PCNX1: variants seen among roughly 807,000 people sequenced by gnomAD.
PCNX1 encodes pecanex 1, also known as pecanex-like protein 1.
A neutral mutation model predicts 242.2 loss-of-function variants in PCNX1; 78 were observed. The observed-to-expected ratio is 0.32, with a 90% CI of 0.27 to 0.39. The LOEUF is 0.39. Ranked by LOEUF, PCNX1 falls within the 10% of genes least tolerant of loss-of-function variation. PCNX1 has a pLI of 1.00. For synonymous variants in PCNX1, 1,024 were observed against 1,032.9 expected (o/e 0.99, Z 0.17); for missense variants, 2,581 against 2,856.5 (o/e 0.90, Z 2.20).
At position 71,024,528 on chromosome 14, in the gene PCNX1, C is replaced by A. The variant is rs371361940; in HGVS notation, c.3183+1296C>A. 4.0e-5 allele frequency among the ~76,000 whole-genome samples: 6 copies of A among 151,826 alleles called. No individual in the cohort carries two copies. The South Asian group carries it at 1.2e-3, about 31-fold the overall frequency. Reference sequence around the variant, plus strand: ...AAAAAATTTTTTTTTTTATTTTTCACCCTGTCTTATGGTGCTGATGATGTT... The same window carrying A: ...AAAAAATTTTTTTTTTTATTTTTCAACCTGTCTTATGGTGCTGATGATGTT... On this transcript the variant is annotated intron_variant, in intron 13 of 35. Transcript: ENST00000304743.
rs751640600 is a variant in PCNX1, at chr14:71,009,743, T to G, written c.2720+19T>G. 1.4e-6 allele frequency: 2 copies of G among 1,401,300 alleles called. No homozygotes were observed. The highest frequency in any genetic ancestry group is 2.3e-5 in the East Asian group (1 of 43,404). 86.8% of individuals were successfully genotyped at this position (1,401,300 alleles called of 1,614,324 possible). A position where few individuals can be genotyped will look rare whatever the true frequency, so the allele number is the denominator to read the frequency against. On this transcript the variant is annotated intron_variant, in intron 9 of 35. Transcript: ENST00000304743. Reference sequence around the variant, plus strand: ...ATATCTGGTATGTGTGAAGTCATATTAGGAGTGTGTGTACTTTCATATGTT... The same window carrying G: ...ATATCTGGTATGTGTGAAGTCATATGAGGAGTGTGTGTACTTTCATATGTT...
intron 1 of PCNX1, among the ~76,000 whole-genome samples, chr14:70,925,894 C>A (rs1008806440): frequency 6.6e-6 from 1 of 152,038 alleles, no homozygotes; most frequent in African/African-American, 2.4e-5. Flanking sequence ...GCCATAGCCA[C>A]CTTCCATCAC....
chr14:70,938,950 G>C (rs1291878632), intron 1 of PCNX1, among the ~76,000 whole-genome samples: 1 of 152,190 alleles, frequency 6.6e-6, no homozygotes, highest in African/African-American at 2.4e-5. Context: ...ATGGTAGTTT[G>C]TATTTCTGTG....
intron 7 of PCNX1, among the ~76,000 whole-genome samples, chr14:70,994,918 C>T (rs1472529035): frequency 6.6e-6 from 1 of 151,860 alleles, no homozygotes; most frequent in Non-Finnish European, 1.5e-5. Flanking sequence ...TTGTATCAAA[C>T]TTAGGCCTAA....
chr14:71,031,858 T>G, intron 16 of PCNX1: 2 of 1,464,850 alleles, frequency 1.4e-6, no homozygotes, highest in Middle Eastern at 1.7e-4. Context: ...GTAGACACAC[T>G]GTTTCAGCAC....
At chr14:70,956,206 A>G (rs1056879412) in intron 2 of PCNX1, among the ~76,000 whole-genome samples, 1 of 152,126 alleles carries the variant, frequency 6.6e-6, no homozygotes, top group Non-Finnish European at 1.5e-5. Flanking sequence ...TTTGACCTGG[A>G]AAGAGACTAG....
intron 2 of PCNX1, among the ~76,000 whole-genome samples, chr14:70,949,401 GTGTACATATATA>G (rs2057682550): frequency 7.5e-6 from 1 of 132,672 alleles, no homozygotes; most frequent in African/African-American, 2.8e-5. Context: ...ATGTGTGTGT[GTGTACATATATA>G]TGTACATATA....
At chr14:70,933,948 A>G (rs554659091) in intron 1 of PCNX1, among the ~76,000 whole-genome samples, 24 of 152,346 alleles carry the variant, frequency 1.6e-4, no homozygotes, top group African/African-American at 4.6e-4. Flanking sequence ...TTTGGCTACA[A>G]TGTACTTCCA....
chr14:71,105,505 G>A, intron 33 of PCNX1, 65 bp downstream of exon 33: 1 of 1,258,402 alleles, frequency 7.9e-7, no homozygotes, highest in Admixed American at 1.8e-5. Flanking sequence ...GTTAGTATAT[G>A]TGTATAAAGA....
chr14:70,956,380 CA>C (rs2057994082), intron 2 of PCNX1, among the ~76,000 whole-genome samples: 1 of 151,376 alleles, frequency 6.6e-6, no homozygotes, highest in African/African-American at 2.4e-5. Flanking sequence ...CTGTCTCTAC[CA>C]AAAAAATAAA....
intron 26 of PCNX1, among the ~76,000 whole-genome samples, chr14:71,071,583 T>C (rs575612229): frequency 1.4e-4 from 22 of 152,130 alleles, no homozygotes; most frequent in Admixed American, 2.6e-4. Flanking sequence ...TGCTCCAGCA[T>C]GTAAAATGTG....
chr14:70,923,427 C>T (rs1451586757), intron 1 of PCNX1, among the ~76,000 whole-genome samples: 1 of 151,758 alleles, frequency 6.6e-6, no homozygotes, highest in Admixed American at 6.6e-5. Context: ...TGTTTTCTTC[C>T]AATACTTTTA....
chr14:71,057,706 C>T lies in PCNX1; in HGVS notation c.4834C>T (p.Arg1612Trp). The T allele has an allele frequency of 1.9e-6, 3 of 1,612,060 alleles. No homozygotes were observed. Among genetic ancestry groups the T allele is most frequent in the Non-Finnish European group, 1.7e-6 (2 of 1,178,322 alleles). Residue 1612 changes from arginine (R) to tryptophan (W), a missense_variant, in exon 26 of 36, where the codon CGG becomes TGG. Physicochemically the swap from Arg to Trp is moderately radical, Grantham distance 101. Around this residue, in one of 9 missense-constraint regions of PCNX1, gnomAD observed 298 missense variants for 480.1 expected, o/e 0.62. Coordinates refer to ENST00000304743, the MANE Select transcript of PCNX1 (RefSeq NM_014982.3). ...IGNGLVTFQLRGLEFRGTYCQ... is the reference protein window; with the variant it reads ...IGNGLVTFQLWGLEFRGTYCQ... ...CAATGGTCTGGTCACTTTTCAGCTG[C>T]GGGGACTTGAATTCAGAGGTAAGAC...
At position 70,907,635 on chromosome 14, in the gene PCNX1, C is replaced by T; in HGVS notation, c.-216C>T. 1 of 364,412 alleles carries T rather than the reference C, an allele frequency of 2.7e-6. No homozygotes were observed. The highest frequency in any genetic ancestry group is 4.3e-6 in the Non-Finnish European group (1 of 231,146). The allele number at this position is 364,412 out of a possible 1,614,324, so 22.6% of individuals were successfully genotyped here. ...CTCTCCGCCGTCCTCCGCCCCGCCG[C>T]TCGCCGCCTCCTCCTCTCGGGTCTC... On this transcript the variant is annotated 5_prime_UTR_variant, in exon 1 of 36. Transcript: ENST00000304743.
At chr14:71,032,546 A>G (rs1471224761) in intron 16 of PCNX1, among the ~76,000 whole-genome samples, 1 of 152,236 alleles carries the variant, frequency 6.6e-6, no homozygotes, top group Admixed American at 6.5e-5. Context: ...TGATGTAGCT[A>G]TTAAAAAAAT....
At position 70,941,747 on chromosome 14, in the gene PCNX1, G is replaced by A. The variant is rs137899816; in HGVS notation, c.154-5168G>A. Among the ~76,000 whole-genome samples the A allele has an allele frequency of 4.5e-4, 68 of 152,326 alleles. 2 individuals carry two copies. The East Asian group carries it at 0.013, about 28-fold the overall frequency. ...CCCAGAGGTGGATTCTACAGAGGCA[G>A]GCAGGCCTCCTTGAGCTGCGGTGAG... On this transcript the variant is annotated intron_variant, in intron 1 of 35. Transcript: ENST00000304743.
intron 18 of PCNX1, among the ~76,000 whole-genome samples, chr14:71,035,166 A>G (rs1211061671): frequency 6.6e-6 from 1 of 152,170 alleles, no homozygotes; most frequent in East Asian, 1.9e-4. Flanking sequence ...TACAATGACT[A>G]TACCTGTGAA....
intron 16 of PCNX1, among the ~76,000 whole-genome samples, chr14:71,029,884 A>G (rs1367207423): frequency 2.6e-5 from 4 of 152,192 alleles, no homozygotes; most frequent in African/African-American, 9.6e-5. Context: ...TCTTACCCAC[A>G]TTGTATGACT....
intron 8 of PCNX1, among the ~76,000 whole-genome samples, chr14:70,998,750 C>CAAAAAAAAA (rs34044438): frequency 3.4e-5 from 3 of 89,088 alleles, no homozygotes; most frequent in East Asian, 3.2e-4. Context: ...GACCCTATCT[C>CAAAAAAAAA]AAAAAAAAAA....
Sources: allele counts gnomAD v4.1 joint callset (sites outside exome capture counted in the v4.1 genomes callset), GRCh38; gene constraint gnomAD v4.1.1; regional missense constraint gnomAD v4.1.1; transcripts MANE v1.5; gene names NCBI Gene and HGNC (gene_info 2026-07-23, HGNC 2026-07-21).